Variants in KL observed in about 807,000 individuals in gnomAD.
The protein encoded by KL is klotho.
Under a neutral mutation model 84.2 loss-of-function variants are expected in KL, and 62 were observed. The observed-to-expected ratio is 0.74, with a 90% CI of 0.60 to 0.91. KL has a LOEUF of 0.91. Ranked by LOEUF, KL falls within the 40% of genes least tolerant of loss-of-function variation. The probability of loss-of-function intolerance (pLI) is 0.00; values close to 1 mark genes in which losing one functional copy is unlikely to be tolerated. For synonymous variants in KL, 528 were observed against 528.0 expected (o/e 1.00, Z 0.00); for missense variants, 1,261 against 1,305.7 (o/e 0.97, Z 0.53).
At chr13:33,062,330 T>A (rs1593813550) in intron 4 of KL, among the ~76,000 whole-genome samples, 2 of 151,394 alleles carry the variant, frequency 1.3e-5, no homozygotes, top group African/African-American at 4.9e-5. Flanking sequence ...CAGTGAATCA[T>A]GATCACAGCA....
At chr13:33,050,403 CA>C (rs1488016046) in intron 1 of KL, among the ~76,000 whole-genome samples, 1 of 152,154 alleles carries the variant, frequency 6.6e-6, no homozygotes, top group African/African-American at 2.4e-5. Context: ...TTTAATCTGT[CA>C]AATGTACCAT....
Position 33,016,671 on chromosome 13 carries a change from G to T in KL, c.231G>T (p.Glu77Asp). The stretch of plus-strand genomic sequence containing the variant: ...TGGGCAGCGCCGCCTACCAGACCGA[G>T]GGCGGCTGGCAGCAGCACGGCAAGG... Reference protein sequence around the residue: ...WAVGSAAYQTEGGWQQHGKGA... With the variant: ...WAVGSAAYQTDGGWQQHGKGA... The change falls in exon 1 of 5, where the codon GAG becomes GAT. Residue 77 changes from glutamate (E) to aspartate (D), a missense_variant. By Grantham distance (45) the Glu-to-Asp change is conservative. Transcript: ENST00000380099. 6.3e-7 allele frequency: 1 copy of T among 1,594,894 alleles called. No individual in the cohort carries two copies. The highest frequency in any genetic ancestry group is 2.3e-5 in the East Asian group (1 of 43,786).
intron 1 of KL, among the ~76,000 whole-genome samples, chr13:33,023,195 T>G (rs929778235): frequency 6.6e-6 from 1 of 152,212 alleles, no homozygotes; most frequent in Non-Finnish European, 1.5e-5. Flanking sequence ...TGAATGATTC[T>G]ATTAAGTTGA....
In KL at chr13:33,017,124, C is replaced by G; in HGVS notation, c.684C>G (p.Gly228=). The G allele has an allele frequency of 1.9e-6, 3 of 1,604,094 alleles. No individual in the cohort carries two copies. In the South Asian group the frequency reaches 3.3e-5, roughly 18 times the overall value. The part of the protein sequence containing the change: ...DYAELCFRHF[G]GQVKYWITID... Reference sequence around the variant, plus strand: ...CGGAGCTCTGCTTCCGCCACTTCGGCGGTCAGGTCAAGTACTGGATCACCA... The same window carrying G: ...CGGAGCTCTGCTTCCGCCACTTCGGGGGTCAGGTCAAGTACTGGATCACCA... The change falls in exon 1 of 5, where the codon GGC becomes GGG. Residue 228 remains glycine, a synonymous_variant. Coordinates refer to ENST00000380099, the MANE Select transcript of KL (RefSeq NM_004795.4).
Position 33,037,840 on chromosome 13 carries a change from A to T in KL, c.820-15927A>T, listed in dbSNP as rs1871195865. Among the ~76,000 whole-genome samples the T allele has an allele frequency of 2.6e-5, 4 of 152,032 alleles. No individual in the cohort carries two copies. In the South Asian group the frequency reaches 8.3e-4, roughly 32 times the overall value. On this transcript the variant is annotated intron_variant, in intron 1 of 4. Coordinates refer to ENST00000380099, the MANE Select transcript of KL (RefSeq NM_004795.4). ...GCCAACACCATCCTAGATTAACCAGATGAGACCAGAGCAGAAGACATGTTC... is the reference window on the plus strand; with the variant it reads ...GCCAACACCATCCTAGATTAACCAGTTGAGACCAGAGCAGAAGACATGTTC...
At chr13:33,047,896 T>C (rs1555334478) in intron 1 of KL, among the ~76,000 whole-genome samples, 1 of 152,132 alleles carries the variant, frequency 6.6e-6, no homozygotes, top group Non-Finnish European at 1.5e-5. Context: ...TTATTATTAT[T>C]CCATTTAGAA....
chr13:33,061,541 C>G lies in KL; in HGVS notation c.2462C>G (p.Pro821Arg). Reference protein sequence around the residue: ...TILVDSEKEDPIKYNDYLEVQ... With the variant: ...TILVDSEKEDRIKYNDYLEVQ... ...CTTGTAGACTCAGAAAAAGAAGATC[C>G]AATAAAATACAATGATTACCTAGAA... Residue 821 changes from proline (P) to arginine (R), a missense_variant, in exon 4 of 5, where the codon CCA becomes CGA. By Grantham distance (103) the Pro-to-Arg change is moderately radical. Coordinates refer to ENST00000380099, the MANE Select transcript of KL (RefSeq NM_004795.4). 6.2e-7 allele frequency: 1 copy of G among 1,614,132 alleles called. No homozygotes were observed. Among genetic ancestry groups the G allele is most frequent in the Non-Finnish European group, 8.5e-7 (1 of 1,180,016 alleles).
At position 33,064,195 on chromosome 13, in the gene KL, AT is replaced by A; in HGVS notation, c.*14del. 2 of 1,560,554 alleles carry A rather than the reference AT, an allele frequency of 1.3e-6. No homozygotes were observed. The highest frequency in any genetic ancestry group is 1.1e-5 in the South Asian group (1 of 89,012). ...GAAGAAGTTACAAATAGTTCTGAACATTTTTCTATTCATTCATTTTGAAATA... is the reference window on the plus strand; with the variant it reads ...GAAGAAGTTACAAATAGTTCTGAACATTTTCTATTCATTCATTTTGAAATA... On this transcript the variant is annotated 3_prime_UTR_variant, in exon 5 of 5. Coordinates refer to ENST00000380099, the MANE Select transcript of KL (RefSeq NM_004795.4).
In KL at chr13:33,017,085, CT is replaced by C; in HGVS notation, c.647del (p.Phe216SerfsTer83). ...GWANRALADH[F>X]RDYAELCFRH... ...GGGCCAACCGCGCCCTGGCCGACCA[CT>C]TCAGGGATTACGCGGAGCTCTGCTT... is the stretch of plus-strand genomic sequence containing the variant. On this transcript the variant is annotated frameshift_variant, in exon 1 of 5. Transcript: ENST00000380099. LOFTEE classifies it high-confidence loss of function. 1 of 1,605,420 alleles carries C rather than the reference CT, an allele frequency of 6.2e-7. No individual in the cohort carries two copies. The highest frequency in any genetic ancestry group is 2.2e-5 in the East Asian group (1 of 44,856).
intron 1 of KL, among the ~76,000 whole-genome samples, chr13:33,038,052 G>A (rs1871203588): frequency 6.6e-6 from 1 of 152,152 alleles, no homozygotes; most frequent in Non-Finnish European, 1.5e-5. Context: ...GCAGTATCCT[G>A]CCAATTTTCC....
chr13:33,050,990 T>G (rs1871722204), intron 1 of KL, among the ~76,000 whole-genome samples: 1 of 152,176 alleles, frequency 6.6e-6, no homozygotes, highest in African/African-American at 2.4e-5. Context: ...ACCCCAAGTT[T>G]TATCAGTATG....
chr13:33,065,707 T>C lies in KL; in HGVS notation c.*1521T>C, dbSNP rs1793732438. The C allele has an allele frequency of 5.7e-6, 1 of 176,500 alleles. No homozygotes were observed. Among genetic ancestry groups the C allele is most frequent in the African/African-American group, 2.4e-5 (1 of 42,230 alleles). 10.9% of individuals were successfully genotyped at this position (176,500 alleles called of 1,614,324 possible). A position where few individuals can be genotyped will look rare whatever the true frequency, so the allele number is the denominator to read the frequency against. ...GTATATATTTTTCTGATTATAAGAG[T>C]AATATATGTTCATTGTAAAAATTTT... On this transcript the variant is annotated 3_prime_UTR_variant, in exon 5 of 5. Transcript: ENST00000380099.
Position 33,064,583 on chromosome 13 carries a change from T to C in KL, c.*397T>C, listed in dbSNP as rs1872337164. The C allele has an allele frequency of 7.3e-6, 2 of 275,476 alleles. No homozygotes were observed. Among genetic ancestry groups the C allele is most frequent in the East Asian group, 5.6e-5 (1 of 17,888 alleles). 17.1% of individuals were successfully genotyped at this position (275,476 alleles called of 1,614,324 possible). Reference sequence around the variant, plus strand: ...GAAGTAGTAATTGCAAGAGTTCGAATAGAAAGTTATGTACCAAGTAACCAT... The same window carrying C: ...GAAGTAGTAATTGCAAGAGTTCGAACAGAAAGTTATGTACCAAGTAACCAT... On this transcript the variant is annotated 3_prime_UTR_variant, in exon 5 of 5. Transcript: ENST00000380099.
intron 1 of KL, among the ~76,000 whole-genome samples, chr13:33,030,674 G>GGT (rs1870941482): frequency 6.6e-6 from 1 of 152,100 alleles, no homozygotes; most frequent in African/African-American, 2.4e-5. Context: ...AAGGGCAAGG[G>GGT]GTGACAATGC....
intron 1 of KL, among the ~76,000 whole-genome samples, chr13:33,031,676 GA>G (rs1227934865): frequency 6.6e-6 from 1 of 152,082 alleles, no homozygotes; most frequent in African/African-American, 2.4e-5. Flanking sequence ...TTATCCTAAT[GA>G]ATTATTAAAT....
Position 33,053,942 on chromosome 13 carries a change from T to G in KL, c.995T>G (p.Phe332Cys), listed in dbSNP as rs1445664442. 1.2e-6 allele frequency: 2 copies of G among 1,614,182 alleles called. No individual in the cohort carries two copies. The highest frequency in any genetic ancestry group is 1.3e-5 in the African/African-American group (1 of 75,052). Residue 332 changes from phenylalanine (F) to cysteine (C), a missense_variant, in exon 2 of 5, where the codon TTT (phenylalanine) becomes TGT (cysteine). Coordinates refer to ENST00000380099, the MANE Select transcript of KL (RefSeq NM_004795.4). The stretch of plus-strand genomic sequence containing the variant: ...CTAGGTTGGTTTGCCAAACCCGTAT[T>G]TATTGATGGTGACTATCCCGAGAGC... Reference protein sequence around the residue: ...FVLGWFAKPVFIDGDYPESMK... With the variant: ...FVLGWFAKPVCIDGDYPESMK...
At chr13:33,041,509 C>A (rs1369987676) in intron 1 of KL, among the ~76,000 whole-genome samples, 6 of 152,032 alleles carry the variant, frequency 3.9e-5, no homozygotes, top group Non-Finnish European at 7.4e-5. Context: ...ACTTCCATAG[C>A]ATTTACAATT....
At chr13:33,020,574 C>T (rs1277123742) in intron 1 of KL, among the ~76,000 whole-genome samples, 3 of 152,122 alleles carry the variant, frequency 2.0e-5, no homozygotes, top group Non-Finnish European at 4.4e-5. Flanking sequence ...CCCTGCTTCC[C>T]CTTCTCTATT....
At chr13:33,035,787 TG>T (rs1566501879) in intron 1 of KL, among the ~76,000 whole-genome samples, 1 of 152,080 alleles carries the variant, frequency 6.6e-6, no homozygotes, top group Admixed American at 6.5e-5. Flanking sequence ...GTCAATGACT[TG>T]GAATGATTTT....
Sources: gnomAD v4.1 joint callset for allele counts (sites outside exome capture counted in the v4.1 genomes callset) on GRCh38, gnomAD v4.1.1 for gene constraint, MANE v1.5 for transcripts, NCBI Gene and HGNC (gene_info 2026-07-23, HGNC 2026-07-21) for gene names.